CDYL: variants seen among roughly 807,000 people sequenced by gnomAD.
CDYL encodes the protein chromodomain Y-like protein.
A neutral mutation model predicts 47.3 loss-of-function variants in CDYL; 8 were observed. That is an observed-to-expected ratio of 0.17 (90% confidence interval 0.10 to 0.31). The LOEUF (loss-of-function observed/expected upper bound fraction) is 0.31. Ranked by LOEUF, CDYL falls within the 10% of genes least tolerant of loss-of-function variation. The pLI, the probability that CDYL is intolerant of heterozygous loss-of-function variation, is 1.00. For missense variants in CDYL, 471 were observed against 701.4 expected (o/e 0.67, Z 3.71); for synonymous variants, 266 against 265.0 (o/e 1.00, Z -0.04).
intron 6 of CDYL, among the ~76,000 whole-genome samples, chr6:4,953,350 G>T (rs1296264231): frequency 6.6e-6 from 1 of 151,816 alleles, no homozygotes; most frequent in African/African-American, 2.4e-5. Flanking sequence ...CGCCACTGCT[G>T]TCCAGCCTGG....
chr6:4,847,374 C>G (rs912553058), intron 1 of CDYL, among the ~76,000 whole-genome samples: 2 of 152,202 alleles, frequency 1.3e-5, no homozygotes, highest in African/African-American at 4.8e-5. Context: ...CACATTCTTT[C>G]AGCAGCTAAG....
chr6:4,851,812 A>G lies in CDYL; in HGVS notation c.25-39901A>G, dbSNP rs144117393. Among the ~76,000 whole-genome samples the G allele has an allele frequency of 1.8e-3, 271 of 152,322 alleles. 1 individual carries two copies. The highest frequency in any genetic ancestry group is 6.9e-3 in the Admixed American group (106 of 15,306). ...TTCATGTTTAAACCTGAGAAACTGA[A>G]CAGTCAAATTTGGGGAATGGTCCAG... On this transcript the variant is annotated intron_variant, in intron 1 of 6. Transcript: ENST00000397588.
intron 1 of CDYL, among the ~76,000 whole-genome samples, chr6:4,878,981 T>A (rs897848923): frequency 1.3e-5 from 2 of 152,218 alleles, no homozygotes; most frequent in East Asian, 3.8e-4. Flanking sequence ...TAGAAAAATT[T>A]ACTAATTGCT....
chr6:4,791,608 C>A (rs1758918393), intron 1 of CDYL, among the ~76,000 whole-genome samples: 1 of 152,204 alleles, frequency 6.6e-6, no homozygotes, highest in African/African-American at 2.4e-5. Flanking sequence ...CAGACAGGCC[C>A]TCTGAATTTC....
At chr6:4,905,197 T>G (rs747892234) in intron 2 of CDYL, among the ~76,000 whole-genome samples, 16 of 152,084 alleles carry the variant, frequency 1.1e-4, no homozygotes, top group Non-Finnish European at 2.2e-4. Context: ...CTGACACAAG[T>G]GAGTTTGCGC....
chr6:4,835,749 C>G (rs1395860104), intron 1 of CDYL, among the ~76,000 whole-genome samples: 1 of 152,206 alleles, frequency 6.6e-6, no homozygotes, highest in Non-Finnish European at 1.5e-5. Context: ...AGCTTCCAGG[C>G]TGCTTTGTTT....
intron 2 of CDYL, among the ~76,000 whole-genome samples, chr6:4,901,878 C>T (rs1208326516): frequency 1.3e-5 from 2 of 152,142 alleles, no homozygotes; most frequent in Non-Finnish European, 2.9e-5. Context: ...ATACCCCACC[C>T]CACCCCCAGC....
intron 1 of CDYL, among the ~76,000 whole-genome samples, chr6:4,806,784 G>C (rs1487288230): frequency 6.6e-6 from 1 of 152,136 alleles, no homozygotes; most frequent in Non-Finnish European, 1.5e-5. Flanking sequence ...CTGGTTTTCT[G>C]TCAGGTTAGT....
At chr6:4,819,344 A>G (rs763124620) in intron 1 of CDYL, among the ~76,000 whole-genome samples, 4 of 151,420 alleles carry the variant, frequency 2.6e-5, no homozygotes, top group South Asian at 4.1e-4. Context: ...ACGTGTGTCA[A>G]TCATTGGTTC....
intron 1 of CDYL, among the ~76,000 whole-genome samples, chr6:4,785,464 T>C (rs1758731246): frequency 6.6e-6 from 1 of 152,256 alleles, no homozygotes; most frequent in African/African-American, 2.4e-5. Context: ...AACCCAACAA[T>C]GTTGACTGCA....
At chr6:4,825,272 A>C (rs72821448) in intron 1 of CDYL, among the ~76,000 whole-genome samples, 27 of 152,260 alleles carry the variant, frequency 1.8e-4, no homozygotes, top group Non-Finnish European at 3.5e-4. Context: ...TTATCCTGCA[A>C]CTTTGCTGAA....
At chr6:4,819,556 A>G (rs375493811) in intron 1 of CDYL, among the ~76,000 whole-genome samples, 1 of 152,152 alleles carries the variant, frequency 6.6e-6, no homozygotes, top group Admixed American at 6.5e-5. Context: ...CATCATGACA[A>G]CATCTTGAGG....
At chr6:4,941,028 A>G (rs1758346863) in intron 4 of CDYL, among the ~76,000 whole-genome samples, 1 of 152,244 alleles carries the variant, frequency 6.6e-6, no homozygotes, top group Non-Finnish European at 1.5e-5. Context: ...TTTCCAGATT[A>G]GTAAATGTCC....
At chr6:4,767,936 C>T (rs1260114089) in intron 3 of CDYL, among the ~76,000 whole-genome samples, 1 of 150,314 alleles carries the variant, frequency 6.7e-6, no homozygotes, top group East Asian at 1.9e-4. Context: ...TCTCCTCCAA[C>T]CACTTTCTCT....
At chr6:4,919,851 A>T (rs1113121) in intron 2 of CDYL, among the ~76,000 whole-genome samples, 99,275 of 152,082 alleles carry the variant, frequency 0.65, 35,021 homozygotes, top group Non-Finnish European at 0.77. Context: ...CAGCGGTTCT[A>T]TTTCTAGGTA....
intron 2 of CDYL, among the ~76,000 whole-genome samples, chr6:4,894,880 T>TGTATATATACAC (rs1491122484): frequency 6.7e-6 from 1 of 149,180 alleles, no homozygotes; most frequent in African/African-American, 2.6e-5. Flanking sequence ...CACACATGTG[T>TGTATATATACAC]ATGTGTGTGT....
chr6:4,810,428 A>G (rs1759496146), intron 1 of CDYL, among the ~76,000 whole-genome samples: 1 of 152,180 alleles, frequency 6.6e-6, no homozygotes, highest in Non-Finnish European at 1.5e-5. Context: ...ACTATGTCAG[A>G]GTTACTTTCA....
intron 1 of CDYL, among the ~76,000 whole-genome samples, chr6:4,786,406 G>C (rs971148803): frequency 6.6e-6 from 1 of 152,104 alleles, no homozygotes; most frequent in Admixed American, 6.5e-5. Context: ...GTGTACTCTG[G>C]CTTCAGAAGC....
chr6:4,851,029 T>G (rs1581211393), intron 1 of CDYL, among the ~76,000 whole-genome samples: 1 of 152,160 alleles, frequency 6.6e-6, no homozygotes, highest in Non-Finnish European at 1.5e-5. Context: ...GACTGACTAG[T>G]ATTTGTGATT....
Sources: allele counts gnomAD v4.1 joint callset (sites outside exome capture counted in the v4.1 genomes callset), GRCh38; gene constraint gnomAD v4.1.1; transcripts MANE v1.5; gene names NCBI Gene and HGNC (gene_info 2026-07-23, HGNC 2026-07-21).